Variants in ASIC2 observed in about 807,000 individuals in gnomAD.
ASIC2 encodes the protein acid-sensing ion channel 2.
Under a neutral mutation model 57.3 loss-of-function variants are expected in ASIC2, and 25 were observed. The observed-to-expected ratio is 0.44, with a 90% confidence interval of 0.32 to 0.61. The LOEUF (loss-of-function observed/expected upper bound fraction) is 0.61, where lower values mean the gene tolerates loss of function less well. ASIC2 is among the 20% of genes least tolerant of loss of function. The pLI is 0.06. For synonymous variants in ASIC2, 319 were observed against 307.5 expected (o/e 1.04, Z -0.39); for missense variants, 641 against 738.1 (o/e 0.87, Z 1.52).
chr17:33,745,456 T>G (rs1597859053), intron 1 of ASIC2, among the ~76,000 whole-genome samples: 1 of 134,532 alleles, frequency 7.4e-6, no homozygotes, highest in South Asian at 2.5e-4. Context: ...AAACTCCAAG[T>G]AGGATAAATG....
chr17:33,638,750 G>A (rs1342097386), intron 1 of ASIC2, among the ~76,000 whole-genome samples: 2 of 152,076 alleles, frequency 1.3e-5, no homozygotes, highest in Non-Finnish European at 2.9e-5. Flanking sequence ...CTCTGCCTGA[G>A]AATTTTTTTT....
intron 1 of ASIC2, among the ~76,000 whole-genome samples, chr17:33,933,147 G>A (rs924585890): frequency 1.3e-5 from 2 of 151,964 alleles, no homozygotes; most frequent in Non-Finnish European, 2.9e-5. Flanking sequence ...CCCATCACAG[G>A]GCCTTTGCAC....
At chr17:33,454,946 A>G (rs1912396837) in intron 1 of ASIC2, among the ~76,000 whole-genome samples, 1 of 152,226 alleles carries the variant, frequency 6.6e-6, no homozygotes, top group South Asian at 2.1e-4. Context: ...CTCACCTTCT[A>G]ATACTATCTA....
Position 33,896,261 on chromosome 17 carries a change from T to C in ASIC2, c.555+259717A>G, listed in dbSNP as rs150706865. On this transcript the variant is annotated intron_variant, in intron 1 of 9. Coordinates refer to the ASIC2 transcript ENST00000359872. ...GTGTCTTTTCTTCTTGGTTAGAATG[T>C]TCCTTCCCCAAGGATGGCATCTTGC... Among the ~76,000 whole-genome samples the C allele has an allele frequency of 3.2e-3, 482 of 152,378 alleles. 4 individuals are homozygous for C. Among genetic ancestry groups the C allele is most frequent in the African/African-American group, 0.01 (418 of 41,600 alleles).
At chr17:33,779,337 C>T (rs182500016) in intron 1 of ASIC2, among the ~76,000 whole-genome samples, 76 of 152,234 alleles carry the variant, frequency 5.0e-4, no homozygotes, top group Admixed American at 2.6e-4. Flanking sequence ...ACCGCTCAAG[C>T]CCCTGGGAAC....
chr17:33,311,424 CTATCTGTG>C (rs923341106), intron 1 of ASIC2, among the ~76,000 whole-genome samples: 8 of 123,646 alleles, frequency 6.5e-5, no homozygotes, highest in African/African-American at 2.6e-4. Context: ...GTCTGTCTGT[CTATCTGTG>C]TGTGTGTGTG....
chr17:33,657,757 TA>T (rs34103812), intron 1 of ASIC2, among the ~76,000 whole-genome samples: 5,175 of 103,432 alleles, frequency 0.05, 247 homozygotes, highest in African/African-American at 0.16. Context: ...TGGCAGTTTC[TA>T]AAAAAAAAAA....
intron 1 of ASIC2, among the ~76,000 whole-genome samples, chr17:33,408,944 T>TTACA (rs1910561426): frequency 6.6e-6 from 1 of 152,226 alleles, no homozygotes; most frequent in Non-Finnish European, 1.5e-5. Context: ...CTGGGCGTGA[T>TTACA]GGCCCATGCC....
intron 1 of ASIC2, among the ~76,000 whole-genome samples, chr17:33,798,821 A>G (rs978139470): frequency 2.0e-5 from 3 of 152,100 alleles, no homozygotes; most frequent in African/African-American, 7.2e-5. Context: ...GCCACCAGCA[A>G]TTTCTGCTGT....
intron 1 of ASIC2, among the ~76,000 whole-genome samples, chr17:33,802,515 G>C (rs1376838301): frequency 6.6e-6 from 1 of 152,232 alleles, no homozygotes; most frequent in East Asian, 1.9e-4. Flanking sequence ...TGCCCACGTG[G>C]AAGGTGGACC....
chr17:33,409,208 C>T (rs977686819), intron 1 of ASIC2, among the ~76,000 whole-genome samples: 2 of 152,106 alleles, frequency 1.3e-5, no homozygotes, highest in Admixed American at 6.5e-5. Flanking sequence ...GAGTGAGACT[C>T]TGTCTAAAAA....
chr17:34,030,773 G>A (rs1019434538), intron 1 of ASIC2, among the ~76,000 whole-genome samples: 9 of 152,170 alleles, frequency 5.9e-5, no homozygotes, highest in African/African-American at 1.2e-4. Flanking sequence ...ACAGCAGTCC[G>A]AGATCAAACT....
chr17:33,874,502 C>A (rs915484), intron 1 of ASIC2, among the ~76,000 whole-genome samples: 92,699 of 152,014 alleles, frequency 0.61, 28,387 homozygotes, highest in South Asian at 0.67. Context: ...TGAAGCCAAC[C>A]ATTCTTCCTG....
At chr17:33,806,778 G>T (rs778626061) in intron 1 of ASIC2, among the ~76,000 whole-genome samples, 12 of 152,110 alleles carry the variant, frequency 7.9e-5, no homozygotes, top group Non-Finnish European at 1.5e-4. Context: ...AAGCTGTCTG[G>T]CTGTCAGGGA....
chr17:33,738,101 T>C (rs1035508454), intron 1 of ASIC2, among the ~76,000 whole-genome samples: 2 of 152,250 alleles, frequency 1.3e-5, no homozygotes, highest in Admixed American at 1.3e-4. Context: ...CATTAGCCTG[T>C]AAGACCAAAG....
chr17:33,532,133 C>T (rs963389479), intron 1 of ASIC2, among the ~76,000 whole-genome samples: 1 of 152,154 alleles, frequency 6.6e-6, no homozygotes, highest in Non-Finnish European at 1.5e-5. Flanking sequence ...TGTTCTTCAG[C>T]CAGAGGGGTG....
chr17:33,976,727 C>T (rs1017057964), intron 1 of ASIC2: 17 of 152,112 alleles, frequency 1.1e-4, no homozygotes, highest in African/African-American at 4.1e-4. Flanking sequence ...CTCACTCCAT[C>T]AGGTGGCCCA....
At chr17:33,262,442 G>A (rs1245051312) in intron 1 of ASIC2, among the ~76,000 whole-genome samples, 3 of 151,636 alleles carry the variant, frequency 2.0e-5, no homozygotes, top group Non-Finnish European at 2.9e-5. Flanking sequence ...AGGGAGGGAG[G>A]AAGGGAAGGA....
chr17:34,034,514 C>T (rs1221116632), intron 1 of ASIC2, among the ~76,000 whole-genome samples: 6 of 152,178 alleles, frequency 3.9e-5, no homozygotes, highest in Admixed American at 1.3e-4. Flanking sequence ...CTGGCCAGGG[C>T]AATCAGGCAG....
Sources: gnomAD v4.1 joint callset for allele counts (sites outside exome capture counted in the v4.1 genomes callset) on GRCh38, gnomAD v4.1.1 for gene constraint, MANE v1.5 for transcripts, NCBI Gene and HGNC (gene_info 2026-07-23, HGNC 2026-07-21) for gene names.